The following DLG2 variants were observed in gnomAD, a reference collection of about 807,000 sequenced individuals.
DLG2 encodes disks large homolog 2.
In DLG2, 45 loss-of-function variants were observed where a neutral mutation model predicts 132.5. The observed-to-expected ratio is 0.34, with a 90% CI of 0.27 to 0.44. The LOEUF (loss-of-function observed/expected upper bound fraction) is 0.44. Ranked by LOEUF, DLG2 falls within the 20% of genes least tolerant of loss-of-function variation. The pLI, the probability that DLG2 is intolerant of heterozygous loss-of-function variation, is 1.00. For missense variants in DLG2, 1,045 were observed against 1,196.9 expected, an observed-to-expected ratio of 0.87 and a Z score of 1.87; for synonymous variants, 424 against 419.6, an observed-to-expected ratio of 1.01 and a Z score of -0.13.
At chr11:84,170,254 A>G (rs944985525) in intron 8 of DLG2, among the ~76,000 whole-genome samples, 4 of 152,284 alleles carry the variant, frequency 2.6e-5, no homozygotes, top group African/African-American at 9.6e-5. Flanking sequence ...TTATCCTCCC[A>G]TCTCAGGAAA....
intron 6 of DLG2, among the ~76,000 whole-genome samples, chr11:85,087,844 CAA>C (rs71465019): frequency 9.1e-4 from 20 of 22,048 alleles, no homozygotes; most frequent in South Asian, 2.2e-3. Context: ...GACTCCGTCT[CAA>C]AAAAAAAAAA....
At chr11:85,245,182 T>C (rs1009350764) in intron 4 of DLG2, among the ~76,000 whole-genome samples, 2 of 151,996 alleles carry the variant, frequency 1.3e-5, no homozygotes, top group African/African-American at 4.8e-5. Flanking sequence ...GATTCAGGCC[T>C]TATTAATCCT....
At chr11:83,586,347 T>G (rs2097086100) in intron 19 of DLG2, among the ~76,000 whole-genome samples, 1 of 152,242 alleles carries the variant, frequency 6.6e-6, no homozygotes, top group Admixed American at 6.5e-5. Context: ...ACATTTCTGT[T>G]ATAGCACAGA....
At chr11:83,485,064 A>ATATT (rs1238752078) in intron 21 of DLG2, among the ~76,000 whole-genome samples, 1 of 152,138 alleles carries the variant, frequency 6.6e-6, no homozygotes, top group African/African-American at 2.4e-5. Flanking sequence ...TATTAACTTG[A>ATATT]TATTAACTTA....
At chr11:84,782,759 C>T (rs1388881887) in intron 6 of DLG2, among the ~76,000 whole-genome samples, 1 of 152,158 alleles carries the variant, frequency 6.6e-6, no homozygotes, top group Non-Finnish European at 1.5e-5. Context: ...TTACACTCTT[C>T]TTTGCAAAAT....
chr11:83,735,622 T>C (rs117513107), intron 18 of DLG2, among the ~76,000 whole-genome samples: 2 of 152,232 alleles, frequency 1.3e-5, no homozygotes, highest in South Asian at 2.1e-4. Context: ...TTAAGACATA[T>C]GGACACTTAA....
chr11:83,869,664 C>T (rs950244598), intron 16 of DLG2, among the ~76,000 whole-genome samples: 3 of 152,256 alleles, frequency 2.0e-5, no homozygotes, highest in Non-Finnish European at 4.4e-5. Context: ...TTTTGATACT[C>T]ATATACTTCT....
chr11:84,593,576 T>C (rs1326672274), intron 6 of DLG2, among the ~76,000 whole-genome samples: 5 of 152,112 alleles, frequency 3.3e-5, no homozygotes, highest in African/African-American at 9.7e-5. Context: ...ATGTTCTCAT[T>C]CATAAGTGGG....
chr11:84,833,258 C>G (rs2079271628), intron 6 of DLG2, among the ~76,000 whole-genome samples: 1 of 151,554 alleles, frequency 6.6e-6, no homozygotes, highest in Admixed American at 6.6e-5. Context: ...GCTTACTGAG[C>G]TAATAAATTC....
chr11:84,712,470 T>G (rs1252877504), intron 6 of DLG2, among the ~76,000 whole-genome samples: 1 of 152,050 alleles, frequency 6.6e-6, no homozygotes, highest in East Asian at 1.9e-4. Context: ...CTAGGATTTT[T>G]GTTTTTGGTA....
At chr11:84,278,895 A>G (rs891558826) in intron 7 of DLG2, among the ~76,000 whole-genome samples, 8 of 152,106 alleles carry the variant, frequency 5.3e-5, no homozygotes, top group African/African-American at 1.9e-4. Context: ...TACATGTGCC[A>G]TGGTGGATTG....
chr11:83,499,895 A>ATATATATATATCTATCTATC (rs1296866569), intron 21 of DLG2, among the ~76,000 whole-genome samples: 2 of 114,520 alleles, frequency 1.7e-5, no homozygotes, highest in African/African-American at 6.9e-5. Flanking sequence ...ATATATATAT[A>ATATATATATATCTATCTATC]TATCAGTTCT....
In DLG2 at chr11:83,980,575, T is replaced by C. The variant is rs768635644; in HGVS notation, c.987A>G (p.Val329=). 3 of 1,613,720 alleles carry C rather than the reference T, an allele frequency of 1.9e-6. No individual in the cohort carries two copies. In the African/African-American group the frequency reaches 4.0e-5, roughly 22 times the overall value. ...CAGCTCCTCCATCTATAATTTTAGTTACATAAATGCTGTTGTCTCCAGGAA... is the reference window on the plus strand; with the variant it reads ...CAGCTCCTCCATCTATAATTTTAGTCACATAAATGCTGTTGTCTCCAGGAA... ...QHIPGDNSIY[V]TKIIDGGAAQ... is the part of the protein sequence containing the mutation. Residue 329 remains valine (V), a synonymous_variant, in exon 12 of 28, where the codon GTA becomes GTG. Coordinates refer to ENST00000376104, the MANE Select transcript of DLG2 (RefSeq NM_001142699.3).
intron 5 of DLG2, among the ~76,000 whole-genome samples, chr11:85,115,795 C>A (rs917558473): frequency 3.9e-5 from 6 of 151,924 alleles, no homozygotes; most frequent in African/African-American, 1.2e-4. Flanking sequence ...TGTCAAGAAA[C>A]TCCTCAATTC....
rs564276056 is a variant in DLG2 at position 83,563,257 on chromosome 11, A to G, written c.1941-21399T>C. ...CTCCCAAAGTGCTGGGATTACAGGC[A>G]TGAGCCACTGTGCCCAGCCTCCCTA... On this transcript the variant is annotated intron_variant, in intron 19 of 27. Coordinates refer to ENST00000376104, the MANE Select transcript of DLG2 (RefSeq NM_001142699.3). Among the ~76,000 whole-genome samples the G allele has an allele frequency of 1.2e-3, 177 of 152,238 alleles. 2 individuals carry two copies. Among genetic ancestry groups the G allele is most frequent in the Non-Finnish European group, 5.6e-4 (38 of 67,990 alleles).
intron 4 of DLG2, among the ~76,000 whole-genome samples, chr11:85,210,422 T>C (rs1296754214): frequency 6.6e-6 from 1 of 152,194 alleles, no homozygotes; most frequent in Non-Finnish European, 1.5e-5. Context: ...GATATCCATA[T>C]GGGGTTTTTT....
chr11:84,385,820 A>C (rs1416014520), intron 7 of DLG2, among the ~76,000 whole-genome samples: 1 of 152,148 alleles, frequency 6.6e-6, no homozygotes, highest in Non-Finnish European at 1.5e-5. Context: ...ATGAACAATA[A>C]AGAGACCTGT....
intron 6 of DLG2, among the ~76,000 whole-genome samples, chr11:85,057,687 A>C (rs2063601105): frequency 4.0e-5 from 6 of 151,618 alleles, no homozygotes; most frequent in Admixed American, 4.0e-4. Context: ...TAAAAAACAC[A>C]AAAACAGTAT....
At chr11:83,736,687 C>G (rs11233735) in intron 18 of DLG2, among the ~76,000 whole-genome samples, 11,659 of 152,066 alleles carry the variant, frequency 0.077, 1,534 homozygotes, top group African/African-American at 0.26. Context: ...AATGTAGTTG[C>G]TCTCTAAAGT....
Sources: gnomAD v4.1 joint callset for allele counts (sites outside exome capture counted in the v4.1 genomes callset) on GRCh38, gnomAD v4.1.1 for gene constraint, MANE v1.5 for transcripts, NCBI Gene and HGNC (gene_info 2026-07-23, HGNC 2026-07-21) for gene names.